GLIS3: variants seen among roughly 807,000 people sequenced by gnomAD.
GLIS3 encodes GLIS family zinc finger 3.
Under a neutral mutation model 78.6 loss-of-function variants are expected in GLIS3, and 53 were observed. That is an observed-to-expected ratio of 0.67 (90% CI 0.54 to 0.85). The LOEUF (loss-of-function observed/expected upper bound fraction) is 0.85, where lower values mean the gene tolerates loss of function less well. Among genes scored for constraint, GLIS3 ranks in the 40% least tolerant of loss-of-function variants. GLIS3 has a pLI of 0.00. For missense variants in GLIS3, 1,703 were observed against 1,231.1 expected, an observed-to-expected ratio of 1.38 and a Z score of -5.74; for synonymous variants, 684 against 509.9, an observed-to-expected ratio of 1.34 and a Z score of -4.60.
intron 8 of GLIS3, chr9:3,875,637 A>G (rs377300571): frequency 2.0e-5 from 3 of 152,318 alleles, no homozygotes; most frequent in South Asian, 4.1e-4. Flanking sequence ...ATTTCCTCTT[A>G]GTGTTTTTAT....
Position 4,118,256 on chromosome 9 carries a change from C to T in GLIS3, c.1222G>A (p.Val408Ile), listed in dbSNP as rs1309770796. Residue 408 changes from valine (V) to isoleucine (I), a missense_variant, in exon 4 of 11, where the codon GTC becomes ATC. Physicochemically the swap from Val to Ile is conservative, Grantham distance 29. Transcript: ENST00000381971. This position sits in a 1 kb window ranked among gnomAD's most constrained non-coding sequence, Gnocchi z 4.7. ...CCATGCTGCACCACCATGTGGTTGA[C>T]CAGGCCTGGCTGCAGGCCGCCGTGC... ...LEHGGLQPGL[V>I]NHMVVQHGLP... 5 of 1,589,728 alleles carry T rather than the reference C, an allele frequency of 3.1e-6. No individual in the cohort carries two copies. In the African/African-American group the frequency reaches 6.7e-5, roughly 21 times the overall value.
At chr9:3,879,370 C>T in intron 8 of GLIS3, 57 bp downstream of exon 8, 1 of 1,535,928 alleles carries the variant, frequency 6.5e-7, no homozygotes, top group South Asian at 1.1e-5. Flanking sequence ...AGGCACTTGT[C>T]TGTGAAGGGA....
intron 2 of GLIS3, among the ~76,000 whole-genome samples, chr9:4,237,118 C>G (rs1250673954): frequency 1.1e-5 from 1 of 93,948 alleles, no homozygotes. Context: ...ACTTCCTTCA[C>G]TGATTTATTT....
chr9:4,417,453 T>C, the GLIS3 span, among the ~76,000 whole-genome samples: 2 of 152,256 alleles, frequency 1.3e-5, no homozygotes, highest in East Asian at 3.8e-4. Context: ...TTAATGTATC[T>C]TGGCAGTCTT....
chr9:3,983,423 C>T (rs1819466701), intron 4 of GLIS3, among the ~76,000 whole-genome samples: 1 of 152,156 alleles, frequency 6.6e-6, no homozygotes, highest in African/African-American at 2.4e-5. Context: ...GGGGGCACTA[C>T]TGTAGATACT....
At chr9:4,100,444 G>C (rs940784212) in intron 4 of GLIS3, among the ~76,000 whole-genome samples, 1 of 152,156 alleles carries the variant, frequency 6.6e-6, no homozygotes, top group African/African-American at 2.4e-5. Context: ...AAAACAAAGG[G>C]GAAAAAAGCT....
At chr9:4,215,144 TAAGACCACTTCC>T in intron 2 of GLIS3, among the ~76,000 whole-genome samples, 1 of 152,318 alleles carries the variant, frequency 6.6e-6, no homozygotes, top group African/African-American at 2.4e-5. Context: ...GACAAAACTC[TAAGACCACTTCC>T]AACCTCCTCC....
rs190810209 is a variant in GLIS3 at position 4,316,018 on chromosome 9, A to G, written n.265-5490T>C. Among the ~76,000 whole-genome samples the G allele has an allele frequency of 1.1e-3, 168 of 152,324 alleles. 1 individual carries two copies. Among genetic ancestry groups the G allele is most frequent in the African/African-American group, 3.8e-3 (159 of 41,572 alleles). ...ATATTGTATTTTTAAAAGAAAACAC[A>G]TATTTATCTGGGATGATCACAATGG... On this transcript the variant is annotated intron_variant and non_coding_transcript_variant, in intron 2 of 4. Transcript: ENST00000471664.
At chr9:4,055,464 C>T (rs1308204075) in intron 4 of GLIS3, among the ~76,000 whole-genome samples, 1 of 152,116 alleles carries the variant, frequency 6.6e-6, no homozygotes, top group East Asian at 1.9e-4. Flanking sequence ...CCAAGATGAT[C>T]AACAGAATAA....
chr9:4,066,351 G>C (rs544747243), intron 4 of GLIS3, among the ~76,000 whole-genome samples: 12 of 152,198 alleles, frequency 7.9e-5, no homozygotes, highest in African/African-American at 2.6e-4. Context: ...ATCCTCTGGA[G>C]TGCATATTCC....
At chr9:4,095,433 T>C (rs758677279) in intron 4 of GLIS3, among the ~76,000 whole-genome samples, 5 of 152,282 alleles carry the variant, frequency 3.3e-5, no homozygotes, top group Admixed American at 2.0e-4. Context: ...GAGATTGAGA[T>C]TGTATTTGCT....
At chr9:4,048,094 G>A (rs1294581245) in intron 4 of GLIS3, among the ~76,000 whole-genome samples, 2 of 152,110 alleles carry the variant, frequency 1.3e-5, no homozygotes, top group African/African-American at 2.4e-5. Flanking sequence ...AATAAAACTG[G>A]CATTTTGCCC....
intron 2 of GLIS3, among the ~76,000 whole-genome samples, chr9:4,333,906 G>C (rs1449124792): frequency 3.9e-5 from 6 of 152,154 alleles, no homozygotes; most frequent in Non-Finnish European, 8.8e-5. Flanking sequence ...TTTGCATTGG[G>C]AATTTCTTGG....
intron 2 of GLIS3, among the ~76,000 whole-genome samples, chr9:4,248,789 C>T (rs1824063520): frequency 1.3e-5 from 2 of 152,168 alleles, no homozygotes. Context: ...TTCCAACTGG[C>T]ATGAGATGGT....
chr9:3,958,342 A>G (rs1365093855), intron 4 of GLIS3, among the ~76,000 whole-genome samples: 2 of 152,238 alleles, frequency 1.3e-5, no homozygotes, highest in East Asian at 3.8e-4. Flanking sequence ...CTTACATAAA[A>G]GTTTCCTACA....
chr9:3,841,876 C>T (rs1818740515), intron 9 of GLIS3, among the ~76,000 whole-genome samples: 1 of 152,200 alleles, frequency 6.6e-6, no homozygotes, highest in Non-Finnish European at 1.5e-5. Flanking sequence ...TGTCATCCTC[C>T]CTTCTCTGAG....
chr9:3,858,374 G>T (rs1819926118), intron 8 of GLIS3, among the ~76,000 whole-genome samples: 1 of 151,854 alleles, frequency 6.6e-6, no homozygotes, highest in African/African-American at 2.4e-5. Flanking sequence ...TCCAAACCAG[G>T]GCCATGCTCT....
intron 2 of GLIS3, among the ~76,000 whole-genome samples, chr9:4,329,813 T>C (rs4336658): frequency 0.95 from 144,819 of 152,210 alleles, 69,324 homozygotes; most frequent in East Asian, 1. Flanking sequence ...TTTCTTCAAG[T>C]GATGAGGCCT....
intron 4 of GLIS3, among the ~76,000 whole-genome samples, chr9:4,028,786 T>C (rs1364969011): frequency 6.6e-6 from 1 of 152,234 alleles, no homozygotes; most frequent in Non-Finnish European, 1.5e-5. Flanking sequence ...GATTTGTAGC[T>C]AATGAGCTAA....
Sources: gnomAD v4.1 joint callset for allele counts (sites outside exome capture counted in the v4.1 genomes callset) on GRCh38, gnomAD v4.1.1 for gene constraint, Gnocchi (gnomAD v3.1) non-coding constraint, MANE v1.5 for transcripts, NCBI Gene and HGNC (gene_info 2026-07-23, HGNC 2026-07-21) for gene names.